The following VENTX variants were observed in gnomAD, a reference collection of about 807,000 sequenced individuals.
VENTX encodes the protein VENT homeobox.
In VENTX, 13 loss-of-function variants were observed where a neutral mutation model predicts 10.5. The ratio of observed to expected loss-of-function variants is 1.23; its 90% confidence interval spans 0.80 to 1.96. The LOEUF (loss-of-function observed/expected upper bound fraction) is 1.96. Among genes scored for constraint, VENTX ranks in the 30% most tolerant of loss-of-function variants. The probability of loss-of-function intolerance (pLI) is 0.00; values close to 1 mark genes in which losing one functional copy is unlikely to be tolerated. For missense variants in VENTX, 400 were observed against 341.8 expected (o/e 1.17, Z -1.34); for synonymous variants, 177 against 150.4 (o/e 1.18, Z -1.29).
At position 133,241,069 on chromosome 10, in the gene VENTX, A is replaced by G. The variant is rs1162748093; in HGVS notation, c.*763A>G. 3 of 152,244 alleles carry G rather than the reference A, an allele frequency of 2.0e-5. No individual in the cohort carries two copies. Among genetic ancestry groups the G allele is most frequent in the African/African-American group, 7.2e-5 (3 of 41,452 alleles). 9.4% of individuals were successfully genotyped at this position (152,244 alleles called of 1,614,324 possible). A position where few individuals can be genotyped will look rare whatever the true frequency, so the allele number is the denominator to read the frequency against. The stretch of plus-strand genomic sequence containing the variant: ...TTGTAAGCTTTGTGTGTACAAAAGA[A>G]AACAGGGAATGCAGGTGTGTTTATA... On this transcript the variant is annotated 3_prime_UTR_variant, in exon 3 of 3. Transcript: ENST00000325980.
intron 1 of VENTX, 63 bp downstream of exon 1, chr10:133,238,218 G>A (rs912051678): frequency 6.7e-6 from 10 of 1,491,848 alleles, no homozygotes; most frequent in Admixed American, 4.4e-5. Context: ...GGAGAGGCCA[G>A]GAGCCCGGCG....
rs1845903308 is a variant in VENTX at position 133,239,741 on chromosome 10, G to C, written c.307G>C (p.Val103Leu). ...RVRTAFTMEQ[V>L]RTLEGVFQHH... ...CCGCACAGCCTTCACCATGGAGCAG[G>C]TCCGCACCTTGGAGGGCGTCTTCCA... Residue 103 changes from valine to leucine, a missense_variant, in exon 2 of 3, where the codon GTC becomes CTC. Val to Leu is a conservative substitution (Grantham distance 32, BLOSUM62 1). Transcript: ENST00000325980. The C allele has an allele frequency of 6.2e-7, 1 of 1,611,124 alleles. No homozygotes were observed. The highest frequency in any genetic ancestry group is 1.3e-5 in the African/African-American group (1 of 74,852).
Position 133,240,450 on chromosome 10 carries a change from A to C in VENTX, c.*144A>C. 4.3e-6 allele frequency: 3 copies of C among 691,544 alleles called. No homozygotes were observed. The highest frequency in any genetic ancestry group is 6.3e-6 in the Non-Finnish European group (3 of 476,540). The allele number at this position is 691,544 out of a possible 1,614,324, so 42.8% of individuals were successfully genotyped here. A position where few individuals can be genotyped will look rare whatever the true frequency, so the allele number is the denominator to read the frequency against. On this transcript the variant is annotated 3_prime_UTR_variant, in exon 3 of 3. Transcript: ENST00000325980. Reference sequence around the variant, plus strand: ...TTCTGGAGATTACTGGAGAATATATATAAATATATATATGTACGTATATAT... The same window carrying C: ...TTCTGGAGATTACTGGAGAATATATCTAAATATATATATGTACGTATATAT...
chr10:133,239,486 TTGAGCCCCCTCTC>T (rs1179971499), intron 1 of VENTX, among the ~76,000 whole-genome samples, 177 bp from the exon 2 acceptor site: 2 of 152,174 alleles, frequency 1.3e-5, no homozygotes, highest in Admixed American at 6.5e-5. Flanking sequence ...CCCTCCCCTC[TTGAGCCCCCTCTC>T]TGAGCCCCCT....
In VENTX at chr10:133,240,164, C is replaced by A. The variant is rs769543379; in HGVS notation, c.635C>A (p.Ala212Asp). The change falls in exon 3 of 3, where the codon GCC becomes GAC. Residue 212 changes from alanine (A) to aspartate (D), a missense_variant. Physicochemically the swap from Ala to Asp is moderately radical, Grantham distance 126 (BLOSUM62 -2). Coordinates refer to ENST00000325980, the MANE Select transcript of VENTX (RefSeq NM_014468.4). ...FWGLCQVAQE[A>D]LASAGASCCG... The stretch of plus-strand genomic sequence containing the variant: ...GGTCTCTGCCAAGTGGCACAAGAGG[C>A]CCTGGCATCTGCGGGAGCTTCCTGC... 1 of 1,609,308 alleles carries A rather than the reference C, an allele frequency of 6.2e-7. No individual in the cohort carries two copies. Among genetic ancestry groups the A allele is most frequent in the South Asian group, 1.1e-5 (1 of 91,012 alleles).
rs1468863691 is a variant in VENTX at position 133,241,037 on chromosome 10, G to A, written c.*731G>A. ...AAAACTGGTTTTCCAGTTGGAAACA[G>A]TAAAGGTTGTAAGCTTTGTGTGTAC... On this transcript the variant is annotated 3_prime_UTR_variant, in exon 3 of 3. Coordinates refer to ENST00000325980, the MANE Select transcript of VENTX (RefSeq NM_014468.4). The A allele has an allele frequency of 6.6e-6, 1 of 152,268 alleles. No homozygotes were observed. Among genetic ancestry groups the A allele is most frequent in the Non-Finnish European group, 1.5e-5 (1 of 68,050 alleles). 9.4% of individuals were successfully genotyped at this position (152,268 alleles called of 1,614,324 possible).
chr10:133,239,851 G>T lies in VENTX; in HGVS notation c.402+15G>T, dbSNP rs1161490573. The T allele has an allele frequency of 1.2e-6, 2 of 1,604,040 alleles. No homozygotes were observed. Among genetic ancestry groups the T allele is most frequent in the South Asian group, 2.2e-5 (2 of 90,860 alleles). ...CAGAGGTCCAGGTGAGGTGGGCCGG[G>T]CAGGCTGGGGTGGGCAGGGGTGGGC... On this transcript the variant is annotated intron_variant, in intron 2 of 2. Coordinates refer to ENST00000325980, the MANE Select transcript of VENTX (RefSeq NM_014468.4).
chr10:133,240,258 G>A lies in VENTX; in HGVS notation c.729G>A (p.Thr243=), dbSNP rs771105339. 3.4e-5 allele frequency: 54 copies of A among 1,605,144 alleles called. No homozygotes were observed. Among genetic ancestry groups the A allele is most frequent in the Admixed American group, 6.8e-5 (4 of 58,976 alleles). ...CTTCGCTGGGACCAGCCCTGTCCAC[G>A]GGGCCCCGGGGCCTGTGTGCTATGC... ...GRPSLGPALS[T]GPRGLCAMPQ... Residue 243 remains threonine (T), a synonymous_variant, in exon 3 of 3, where the codon ACG becomes ACA. Coordinates refer to ENST00000325980, the MANE Select transcript of VENTX (RefSeq NM_014468.4).
rs1013850391 is a variant in VENTX at position 133,240,407 on chromosome 10, C to A, written c.*101C>A. The A allele has an allele frequency of 1.4e-5, 19 of 1,385,808 alleles. No homozygotes were observed. The highest frequency in any genetic ancestry group is 3.0e-5 in the Admixed American group (1 of 33,288). 85.8% of individuals were successfully genotyped at this position (1,385,808 alleles called of 1,614,324 possible). On this transcript the variant is annotated 3_prime_UTR_variant, in exon 3 of 3. Transcript: ENST00000325980. ...GTTTACATCCTGGTGGCACCTCTCA[C>A]CCTGACCCACACAAAGGTTCTGGAG...
chr10:133,239,081 T>C (rs776278613), intron 1 of VENTX, among the ~76,000 whole-genome samples: 2 of 152,230 alleles, frequency 1.3e-5, no homozygotes, highest in Admixed American at 6.5e-5. Context: ...CCGCAGAAAC[T>C]CCAGCGAGCA....
chr10:133,237,882 C>A lies in VENTX; in HGVS notation c.-33C>A, dbSNP rs373925860. ...GGTGGATCCTGCGCCTGGCCAGCCC[C>A]GCCTGGCCTTCCCTCCGGCCCACCT... On this transcript the variant is annotated 5_prime_UTR_variant, in exon 1 of 3. Transcript: ENST00000325980. 154 of 1,549,458 alleles carry A rather than the reference C, an allele frequency of 9.9e-5. No individual in the cohort carries two copies. The highest frequency in any genetic ancestry group is 1.3e-4 in the Non-Finnish European group (146 of 1,153,698).
Position 133,241,434 on chromosome 10 carries a change from A to G in VENTX, c.*1128A>G, listed in dbSNP as rs550945509. The G allele has an allele frequency of 6.6e-6, 1 of 152,422 alleles. No homozygotes were observed. Among genetic ancestry groups the G allele is most frequent in the East Asian group, 1.9e-4 (1 of 5,186 alleles). The allele number at this position is 152,422 out of a possible 1,614,324, so 9.4% of individuals were successfully genotyped here. ...TCTGGAAGTGCCCAGAATGGGAGGC[A>G]CGGAAGCCCCTCCCGGGGAGGACTC... On this transcript the variant is annotated 3_prime_UTR_variant, in exon 3 of 3. Coordinates refer to ENST00000325980, the MANE Select transcript of VENTX (RefSeq NM_014468.4).
At position 133,239,703 on chromosome 10, in the gene VENTX, G is replaced by T. The variant is rs143012982; in HGVS notation, c.269G>T (p.Arg90Leu). The T allele has an allele frequency of 3.7e-5, 59 of 1,610,960 alleles. No individual in the cohort carries two copies. The highest frequency in any genetic ancestry group is 4.7e-5 in the Non-Finnish European group (56 of 1,180,024). The stretch of plus-strand genomic sequence containing the variant: ...TTGAGTAAGGAGCCAAATACCTTGC[G>T]GGCCCCCCGTGTCCGCACAGCCTTC... ...AGLSKEPNTL[R>L]APRVRTAFTM... Residue 90 changes from arginine (R) to leucine (L), a missense_variant, in exon 2 of 3, where the codon CGG (arginine) becomes CTG (leucine). Transcript: ENST00000325980.
chr10:133,239,824 C>T lies in VENTX; in HGVS notation c.390C>T (p.Leu130=), dbSNP rs1272385248. 19 of 1,610,328 alleles carry T rather than the reference C, an allele frequency of 1.2e-5. No homozygotes were observed. The highest frequency in any genetic ancestry group is 1.6e-5 in the Non-Finnish European group (19 of 1,179,482). Reference sequence around the variant, plus strand: ...AGAGGCTGGCCAGGGAGATGCAGCTCTCAGAGGTCCAGGTGAGGTGGGCCG... The same window carrying T: ...AGAGGCTGGCCAGGGAGATGCAGCTTTCAGAGGTCCAGGTGAGGTGGGCCG... The part of the protein sequence containing the change: ...ERKRLAREMQ[L]SEVQIKTWFQ... The change falls in exon 2 of 3, where the codon CTC becomes CTT. Residue 130 remains leucine, a synonymous_variant. Transcript: ENST00000325980.
chr10:133,241,327 C>T lies in VENTX; in HGVS notation c.*1021C>T, dbSNP rs1173967514. On this transcript the variant is annotated 3_prime_UTR_variant, in exon 3 of 3. Transcript: ENST00000325980. ...AAGCTGTCCCGCAGGTCCCCACCCT[C>T]CAACACGTGCTCACCTGTCCCCCTG... The T allele has an allele frequency of 6.5e-6, 1 of 153,268 alleles. No homozygotes were observed. The highest frequency in any genetic ancestry group is 2.4e-5 in the African/African-American group (1 of 41,490). 9.5% of individuals were successfully genotyped at this position (153,268 alleles called of 1,614,324 possible).
chr10:133,240,258 G>T lies in VENTX; in HGVS notation c.729G>T (p.Thr243=). 1 of 1,605,262 alleles carries T rather than the reference G, an allele frequency of 6.2e-7. No homozygotes were observed. Among genetic ancestry groups the T allele is most frequent in the Middle Eastern group, 1.7e-4 (1 of 5,874 alleles). The stretch of plus-strand genomic sequence containing the variant: ...CTTCGCTGGGACCAGCCCTGTCCAC[G>T]GGGCCCCGGGGCCTGTGTGCTATGC... ...GRPSLGPALS[T]GPRGLCAMPQ... Residue 243 remains threonine, a synonymous_variant, in exon 3 of 3, where the codon ACG becomes ACT. Transcript: ENST00000325980.
chr10:133,238,685 C>T (rs1845888275), intron 1 of VENTX, among the ~76,000 whole-genome samples: 1 of 152,190 alleles, frequency 6.6e-6, no homozygotes, highest in Non-Finnish European at 1.5e-5. Context: ...TCTGAAGTTC[C>T]CTCTGTGGCC....
rs747116943 is a variant in VENTX at position 133,240,257 on chromosome 10, C to T, written c.728C>T (p.Thr243Met). 5 of 1,605,030 alleles carry T rather than the reference C, an allele frequency of 3.1e-6. No homozygotes were observed. Among genetic ancestry groups the T allele is most frequent in the Non-Finnish European group, 3.4e-6 (4 of 1,175,410 alleles). Residue 243 changes from threonine (T) to methionine (M), a missense_variant, in exon 3 of 3, where the codon ACG (threonine) becomes ATG (methionine). Thr to Met is a moderately conservative substitution (Grantham distance 81). Transcript: ENST00000325980. ...GRPSLGPALS[T>M]GPRGLCAMPQ... is the part of the protein sequence containing the mutation. ...CCTTCGCTGGGACCAGCCCTGTCCA[C>T]GGGGCCCCGGGGCCTGTGTGCTATG...
chr10:133,239,737 G>A lies in VENTX; in HGVS notation c.303G>A (p.Glu101=), dbSNP rs541514024. ...GTGTCCGCACAGCCTTCACCATGGA[G>A]CAGGTCCGCACCTTGGAGGGCGTCT... is the stretch of plus-strand genomic sequence containing the variant. ...APRVRTAFTM[E]QVRTLEGVFQ... The change falls in exon 2 of 3, where the codon GAG becomes GAA. Residue 101 remains glutamate (E), a synonymous_variant. Transcript: ENST00000325980. 26 of 1,611,254 alleles carry A rather than the reference G, an allele frequency of 1.6e-5. No homozygotes were observed. In the African/African-American group the frequency reaches 2.7e-4, roughly 17 times the overall value.
Sources: allele counts gnomAD v4.1 joint callset (sites outside exome capture counted in the v4.1 genomes callset), GRCh38; gene constraint gnomAD v4.1.1; transcripts MANE v1.5; gene names NCBI Gene and HGNC (gene_info 2026-07-23, HGNC 2026-07-21).